The following ANKRD28 variants were observed in gnomAD, a reference collection of about 807,000 sequenced individuals.
ANKRD28 encodes serine/threonine-protein phosphatase 6 regulatory ankyrin repeat subunit A.
ANKRD28 carries 44 observed loss-of-function variants against 126.5 expected under a neutral mutation model. That is an observed-to-expected ratio of 0.35 (90% CI 0.27 to 0.45). ANKRD28 has a LOEUF of 0.45. Ranked by LOEUF, ANKRD28 falls within the 20% of genes least tolerant of loss-of-function variation. The pLI, the probability that ANKRD28 is intolerant of heterozygous loss-of-function variation, is 1.00. For missense variants in ANKRD28, 1,110 were observed against 1,316.6 expected, an observed-to-expected ratio of 0.84 and a Z score of 2.43; for synonymous variants, 442 against 468.5, an observed-to-expected ratio of 0.94 and a Z score of 0.73.
Position 15,677,019 on chromosome 3 carries a change from A to T in ANKRD28, c.2828T>A (p.Ile943Lys). The T allele has an allele frequency of 6.2e-7, 1 of 1,613,402 alleles. No individual in the cohort carries two copies. The highest frequency in any genetic ancestry group is 8.5e-7 in the Non-Finnish European group (1 of 1,179,576). ...TGCATTGATGAGGTTTCTATCTGTT[A>T]TCTTTTCCAGTATTAACAAGGCACT... is the stretch of plus-strand genomic sequence containing the variant. ...ETSALLILEK[I>K]TDRNLINATN... The change falls in exon 26 of 28, where the codon ATA becomes AAA. Residue 943 changes from isoleucine to lysine, a missense_variant. Coordinates refer to ENST00000683139, the MANE Select transcript of ANKRD28 (RefSeq NM_001349278.2).
chr3:15,668,114 C>A lies in ANKRD28; in HGVS notation c.*2156G>T, dbSNP rs898825239. 20 of 152,200 alleles carry A rather than the reference C, an allele frequency of 1.3e-4. No homozygotes were observed. The highest frequency in any genetic ancestry group is 4.6e-4 in the African/African-American group (19 of 41,440). 9.4% of individuals were successfully genotyped at this position (152,200 alleles called of 1,614,324 possible). A position where few individuals can be genotyped will look rare whatever the true frequency, so the allele number is the denominator to read the frequency against. On this transcript the variant is annotated 3_prime_UTR_variant, in exon 28 of 28. Transcript: ENST00000683139. ...CTCCATCTAAGGAAGACCTTTCTAA[C>A]AGTTAGAGCTGCTCAACAACTGAAT...
chr3:15,753,736 A>C (rs1337254338), intron 3 of ANKRD28, among the ~76,000 whole-genome samples: 1 of 146,410 alleles, frequency 6.8e-6, no homozygotes, highest in Non-Finnish European at 1.5e-5. Flanking sequence ...TGAAGACAGG[A>C]GTTCAAGACC....
At chr3:15,730,740 T>G (rs1389397608) in intron 6 of ANKRD28, among the ~76,000 whole-genome samples, 1 of 152,226 alleles carries the variant, frequency 6.6e-6, no homozygotes, top group Non-Finnish European at 1.5e-5. Context: ...AAAAGGATAA[T>G]TATAAATCTC....
At position 15,797,048 on chromosome 3, in the gene ANKRD28, C is replaced by T; in HGVS notation, c.-527G>A. 1 of 985,254 alleles carries T rather than the reference C, an allele frequency of 1.0e-6. No homozygotes were observed. Among genetic ancestry groups the T allele is most frequent in the Non-Finnish European group, 1.2e-6 (1 of 829,846 alleles). The allele number at this position is 985,254 out of a possible 1,614,324, so 61.0% of individuals were successfully genotyped here. On this transcript the variant is annotated 5_prime_UTR_variant, in exon 1 of 28. The change creates a new upstream start codon in the 5' untranslated region. Transcript: ENST00000683139. ...ATTGAAAATAAAAAATAAAATCTCA[C>T]TATTCTGTTTCCACTTCTAATTTGT...
chr3:15,851,758 T>C (rs2061656915), intron 1 of ANKRD28, among the ~76,000 whole-genome samples: 2 of 152,266 alleles, frequency 1.3e-5, no homozygotes, highest in Admixed American at 1.3e-4. Flanking sequence ...AATACAGAGT[T>C]ACCATACTAC....
rs115933232 is a variant in ANKRD28, at chr3:15,812,245, G to A, written c.28-16939C>T. Among the ~76,000 whole-genome samples the A allele has an allele frequency of 5.6e-3, 855 of 152,296 alleles. 6 individuals are homozygous for A. Among genetic ancestry groups the A allele is most frequent in the African/African-American group, 0.02 (814 of 41,564 alleles). ...ATGGCATCATAGAGCTGGGCACAGCGGTGTACACCTGTAGTCCCAGCTACT... is the reference window on the plus strand; with the variant it reads ...ATGGCATCATAGAGCTGGGCACAGCAGTGTACACCTGTAGTCCCAGCTACT... On this transcript the variant is annotated intron_variant, in intron 1 of 27. Transcript: ENST00000399451. The surrounding 1 kb of genome is among the most constrained non-coding windows in gnomAD (Gnocchi z 4.1).
chr3:15,678,790 T>C (rs947065046), intron 23 of ANKRD28, among the ~76,000 whole-genome samples: 1 of 152,204 alleles, frequency 6.6e-6, no homozygotes, highest in African/African-American at 2.4e-5. Flanking sequence ...CATGTTAAAA[T>C]AGTTTAAAGG....
upstream of ANKRD28, among the ~76,000 whole-genome samples, chr3:15,799,433 A>G (rs1366202684): frequency 6.6e-6 from 1 of 152,048 alleles, no homozygotes; most frequent in African/African-American, 2.4e-5. Context: ...TAACTCTAAC[A>G]TATTTGTACC....
At chr3:15,764,651 A>T (rs1251784821) in intron 3 of ANKRD28, among the ~76,000 whole-genome samples, 1 of 152,184 alleles carries the variant, frequency 6.6e-6, no homozygotes, top group Non-Finnish European at 1.5e-5. Flanking sequence ...TAGACTTCTT[A>T]TCCAGTCCTA....
rs77062516 is a variant in ANKRD28 at position 15,761,337 on chromosome 3, T to C, written c.280+4897A>G. ...ACTAACTATAAACAAATTAGCCTAA[T>C]TTTGTTGCCTATATTTCTCTTCATG... is the stretch of plus-strand genomic sequence containing the variant. On this transcript the variant is annotated intron_variant, in intron 3 of 27. Coordinates refer to ENST00000683139, the MANE Select transcript of ANKRD28 (RefSeq NM_001349278.2). Among the ~76,000 whole-genome samples, 3,412 of 152,280 alleles carry C rather than the reference T, an allele frequency of 0.022. 226 individuals are homozygous for C. The East Asian group carries it at 0.23, about 10-fold the overall frequency.
At chr3:15,678,978 T>C (rs1329353896) in intron 23 of ANKRD28, among the ~76,000 whole-genome samples, 5 of 152,132 alleles carry the variant, frequency 3.3e-5, no homozygotes, top group Middle Eastern at 6.3e-3. Context: ...TAAAACCTTT[T>C]TGGGGGGTAG....
intron 6 of ANKRD28, chr3:15,731,737 C>T: frequency 6.6e-6 from 1 of 151,348 alleles, no homozygotes; most frequent in Non-Finnish European, 1.5e-5. Context: ...GTAGTCCCAG[C>T]TACTCGGGAG....
chr3:15,852,992 A>G (rs1340028338), intron 1 of ANKRD28, among the ~76,000 whole-genome samples: 1 of 152,098 alleles, frequency 6.6e-6, no homozygotes, highest in Non-Finnish European at 1.5e-5. Context: ...TTTTTAAATC[A>G]GTATCGCTTA....
intron 4 of ANKRD28, among the ~76,000 whole-genome samples, chr3:15,740,842 C>G (rs989786022): frequency 6.6e-6 from 1 of 152,132 alleles, no homozygotes; most frequent in South Asian, 2.1e-4. Context: ...AATTAAGACA[C>G]TAGAGTATCA....
chr3:15,762,364 T>C (rs1362789098), intron 3 of ANKRD28, among the ~76,000 whole-genome samples: 5 of 152,274 alleles, frequency 3.3e-5, no homozygotes, highest in African/African-American at 1.2e-4. Flanking sequence ...GTTAGAGCTC[T>C]GTTATCCATA....
chr3:15,670,427 C>T lies in ANKRD28; in HGVS notation c.3095G>A (p.Arg1032His), dbSNP rs377170071. The T allele has an allele frequency of 2.8e-5, 45 of 1,613,854 alleles. No individual in the cohort carries two copies. The highest frequency in any genetic ancestry group is 1.6e-4 in the Middle Eastern group (1 of 6,062). ...LSSLTFNAIN[R>H]YTNTSKTVSF... ...GACTGTTTTTGAGGTGTTGGTATAA[C>T]GGTTAATGGCATTGAATGTTAAGGA... is the stretch of plus-strand genomic sequence containing the variant. Residue 1032 changes from arginine to histidine, a missense_variant, in exon 28 of 28, where the codon CGT becomes CAT. By Grantham distance (29) the Arg-to-His change is conservative (BLOSUM62 0). Transcript: ENST00000683139.
chr3:15,835,977 T>C (rs1231687102), intron 1 of ANKRD28, among the ~76,000 whole-genome samples: 5 of 152,062 alleles, frequency 3.3e-5, no homozygotes, highest in Non-Finnish European at 7.4e-5. Flanking sequence ...TCTTAAGAGG[T>C]AACTGCATAG....
intron 27 of ANKRD28, among the ~76,000 whole-genome samples, chr3:15,673,948 G>C (rs2066640048): frequency 1.3e-5 from 2 of 151,796 alleles, no homozygotes; most frequent in African/African-American, 2.4e-5. Context: ...GGCTGAGGTG[G>C]GGGGATTGCT....
intron 1 of ANKRD28, among the ~76,000 whole-genome samples, chr3:15,819,397 A>C (rs1234618804): frequency 1.3e-5 from 2 of 152,250 alleles, no homozygotes; most frequent in Non-Finnish European, 2.9e-5. Context: ...CTGATTTCTG[A>C]CAAAGGTACA....
Sources: gnomAD v4.1 joint callset for allele counts (sites outside exome capture counted in the v4.1 genomes callset) on GRCh38, gnomAD v4.1.1 for gene constraint, Gnocchi (gnomAD v3.1) non-coding constraint, MANE v1.5 for transcripts, NCBI Gene and HGNC (gene_info 2026-07-23, HGNC 2026-07-21) for gene names.